Variants in ZCWPW2 observed in about 807,000 individuals in gnomAD.
ZCWPW2 encodes the protein zinc finger CW-type and PWWP domain containing 2.
ZCWPW2 carries 45 observed loss-of-function variants against 46.6 expected under a neutral mutation model. The observed-to-expected ratio is 0.96, with a 90% confidence interval of 0.76 to 1.24. ZCWPW2 has a LOEUF of 1.24. ZCWPW2 is among the 50% of genes most tolerant of loss of function. The pLI, the probability that ZCWPW2 is intolerant of heterozygous loss-of-function variation, is 0.00. For missense variants in ZCWPW2, 429 were observed against 403.9 expected (o/e 1.06, Z -0.53); for synonymous variants, 152 against 137.1 (o/e 1.11, Z -0.76).
chr3:28,494,617 A>G (rs1559528552), intron 6 of ZCWPW2, among the ~76,000 whole-genome samples: 1 of 147,894 alleles, frequency 6.8e-6, no homozygotes, highest in Non-Finnish European at 1.5e-5. Context: ...GTATTCAATT[A>G]GGAAAAGAGG....
intron 1 of ZCWPW2, among the ~76,000 whole-genome samples, chr3:28,363,510 T>A (rs964915098): frequency 1.3e-5 from 2 of 152,214 alleles, no homozygotes; most frequent in African/African-American, 4.8e-5. Flanking sequence ...TCTGGTGTTT[T>A]GCTGACCCTA....
chr3:28,505,253 A>C (rs1700244827), intron 6 of ZCWPW2, among the ~76,000 whole-genome samples: 1 of 152,190 alleles, frequency 6.6e-6, no homozygotes, highest in Non-Finnish European at 1.5e-5. Context: ...GTAAACTTAC[A>C]CATGGCTGAA....
At chr3:28,449,032 A>C (rs1698122225) in intron 4 of ZCWPW2, among the ~76,000 whole-genome samples, 1 of 152,110 alleles carries the variant, frequency 6.6e-6, no homozygotes, top group Non-Finnish European at 1.5e-5. Context: ...ACAAAGCCAC[A>C]GTAAACCTAT....
chr3:28,444,529 C>T (rs769710387), intron 4 of ZCWPW2, among the ~76,000 whole-genome samples: 46 of 152,060 alleles, frequency 3.0e-4, no homozygotes, highest in Non-Finnish European at 5.0e-4. Context: ...CCCACATGTC[C>T]CCATTCCACA....
chr3:28,443,950 A>G (rs1697874381), intron 4 of ZCWPW2, among the ~76,000 whole-genome samples: 1 of 152,088 alleles, frequency 6.6e-6, no homozygotes, highest in Non-Finnish European at 1.5e-5. Flanking sequence ...CATTGAACCA[A>G]GGGAGATTAG....
At chr3:28,489,701 C>CA (rs1699740400) in intron 5 of ZCWPW2, among the ~76,000 whole-genome samples, 1 of 150,186 alleles carries the variant, frequency 6.7e-6, no homozygotes, top group East Asian at 1.9e-4. Context: ...CACACACACA[C>CA]ACACCCCATG....
intron 1 of ZCWPW2, among the ~76,000 whole-genome samples, chr3:28,366,069 T>C (rs535958186): frequency 2.0e-5 from 3 of 151,972 alleles, no homozygotes; most frequent in Non-Finnish European, 4.4e-5. Flanking sequence ...TTTCTAGATA[T>C]ACAATCATGT....
intron 1 of ZCWPW2, among the ~76,000 whole-genome samples, chr3:28,358,338 A>G (rs1449117424): frequency 1.3e-5 from 2 of 152,092 alleles, no homozygotes; most frequent in South Asian, 2.1e-4. Context: ...AATACTGCCA[A>G]CGTAGGCACT....
intron 6 of ZCWPW2, among the ~76,000 whole-genome samples, chr3:28,497,286 A>AT (rs549694875): frequency 2.6e-3 from 385 of 147,914 alleles, no homozygotes; most frequent in African/African-American, 6.9e-3. Flanking sequence ...ATGTTTTGTG[A>AT]TTTTTTTTTT....
intron 1 of ZCWPW2, among the ~76,000 whole-genome samples, chr3:28,362,496 A>G (rs1002780007): frequency 2.6e-5 from 4 of 152,166 alleles, no homozygotes; most frequent in Non-Finnish European, 5.9e-5. Flanking sequence ...TCATCATTAC[A>G]GAAGTGCATA....
chr3:28,408,390 C>T (rs1696249359), intron 2 of ZCWPW2, among the ~76,000 whole-genome samples: 1 of 152,094 alleles, frequency 6.6e-6, no homozygotes, highest in Non-Finnish European at 1.5e-5. Flanking sequence ...TTACTTTCTT[C>T]TTTCTGTCAT....
At chr3:28,464,466 G>A (rs1232557523) in intron 4 of ZCWPW2, among the ~76,000 whole-genome samples, 1 of 152,190 alleles carries the variant, frequency 6.6e-6, no homozygotes, top group Admixed American at 6.5e-5. Context: ...TTGGCAATCA[G>A]ATGTTCCTAG....
intron 8 of ZCWPW2, among the ~76,000 whole-genome samples, chr3:28,518,043 G>A (rs906019602): frequency 1.3e-5 from 2 of 151,184 alleles, no homozygotes; most frequent in Non-Finnish European, 2.9e-5. Flanking sequence ...GGCTGAGGCA[G>A]GAGAATTTCT....
intron 6 of ZCWPW2, among the ~76,000 whole-genome samples, chr3:28,497,883 C>T (rs1700037277): frequency 6.6e-6 from 1 of 151,992 alleles, no homozygotes; most frequent in East Asian, 1.9e-4. Context: ...CACCTCTGCC[C>T]CACTGGCAGC....
intron 1 of ZCWPW2, among the ~76,000 whole-genome samples, chr3:28,372,673 A>C (rs1705374118): frequency 1.3e-5 from 2 of 152,146 alleles, no homozygotes; most frequent in Non-Finnish European, 2.9e-5. Context: ...TTGCATAGAT[A>C]GATATATTGC....
At chr3:28,515,691 C>A in intron 8 of ZCWPW2, 70 bp downstream of exon 8, 2 of 1,370,892 alleles carry the variant, frequency 1.5e-6, no homozygotes, top group Non-Finnish European at 2.0e-6. Flanking sequence ...AGTTGTAGTC[C>A]TTTGAAGGAA....
At chr3:28,373,862 G>A (rs1705419972) in intron 1 of ZCWPW2, among the ~76,000 whole-genome samples, 1 of 151,838 alleles carries the variant, frequency 6.6e-6, no homozygotes, top group South Asian at 2.1e-4. Flanking sequence ...TTTGTTTTTT[G>A]CTGTTGTTTG....
Position 28,443,201 on chromosome 3 carries a change from G to A in ZCWPW2, c.492+7932G>A, listed in dbSNP as rs148099520. Among the ~76,000 whole-genome samples, 5 of 152,244 alleles carry A rather than the reference G, an allele frequency of 3.3e-5. No individual in the cohort carries two copies. The East Asian group carries it at 7.7e-4, about 24-fold the overall frequency. On this transcript the variant is annotated intron_variant, in intron 4 of 9. Coordinates refer to ENST00000383768, the MANE Select transcript of ZCWPW2 (RefSeq NM_001040432.4). ...ACATTTTGGGTTCCCTGGAATCAAC[G>A]TCAGCTCAGAGCCAGTGTCTAGTAG...
chr3:28,403,476 C>T (rs1397024154), intron 2 of ZCWPW2, among the ~76,000 whole-genome samples: 2 of 152,080 alleles, frequency 1.3e-5, no homozygotes, highest in Admixed American at 1.3e-4. Context: ...CTGCCAAGAG[C>T]AATCTACAAA....
Sources: gnomAD v4.1 joint callset for allele counts (sites outside exome capture counted in the v4.1 genomes callset) on GRCh38, gnomAD v4.1.1 for gene constraint, MANE v1.5 for transcripts, NCBI Gene and HGNC (gene_info 2026-07-23, HGNC 2026-07-21) for gene names.